The following SLC39A12 variants were observed in gnomAD, a reference collection of about 807,000 sequenced individuals.
SLC39A12 encodes zinc transporter ZIP12.
Under a neutral mutation model 71.1 loss-of-function variants are expected in SLC39A12, and 63 were observed. The observed-to-expected ratio is 0.89, with a 90% CI of 0.72 to 1.09. The LOEUF (loss-of-function observed/expected upper bound fraction) is 1.09, where lower values mean the gene tolerates loss of function less well. Among genes scored for constraint, SLC39A12 ranks in the 50% least tolerant of loss-of-function variants. SLC39A12 has a pLI of 0.00. For missense variants in SLC39A12, 892 were observed against 812.6 expected, an observed-to-expected ratio of 1.10 and a Z score of -1.19; for synonymous variants, 351 against 301.3, an observed-to-expected ratio of 1.16 and a Z score of -1.71.
intron 12 of SLC39A12, among the ~76,000 whole-genome samples, chr10:18,040,468 A>G (rs1837191263): frequency 6.6e-6 from 1 of 152,064 alleles, no homozygotes; most frequent in Non-Finnish European, 1.5e-5. Flanking sequence ...CTCTCCATGT[A>G]CTTAAAAATG....
chr10:18,012,820 C>T (rs369935457), intron 12 of SLC39A12, among the ~76,000 whole-genome samples: 5 of 145,664 alleles, frequency 3.4e-5, no homozygotes, highest in Non-Finnish European at 4.5e-5. Flanking sequence ...AAGCCAAGAT[C>T]GCACCACTGC....
At position 17,966,251 on chromosome 10, in the gene SLC39A12, T is replaced by C. The variant is rs574185239; in HGVS notation, c.751+561T>C. ...CATTTCTTTGTACTTGAGAAGACATTAAAAATGAAATGACTAATTCTTAAC... is the reference window on the plus strand; with the variant it reads ...CATTTCTTTGTACTTGAGAAGACATCAAAAATGAAATGACTAATTCTTAAC... On this transcript the variant is annotated intron_variant, in intron 4 of 12. Coordinates refer to ENST00000377369, the MANE Select transcript of SLC39A12 (RefSeq NM_001145195.2). 3.9e-5 allele frequency among the ~76,000 whole-genome samples: 6 copies of C among 152,288 alleles called. No individual in the cohort carries two copies. The South Asian group carries it at 1.2e-3, about 32-fold the overall frequency.
rs1361110911 is a variant in SLC39A12, at chr10:18,003,993, A to G, written c.1947+635A>G. On this transcript the variant is annotated intron_variant, in intron 12 of 12. Transcript: ENST00000377369. ...TATTTGGTTTCTAAAATTGCAACGT[A>G]TGTTTCCTATAGAGGTCCTTGCTGA... is the stretch of plus-strand genomic sequence containing the variant. Among the ~76,000 whole-genome samples the G allele has an allele frequency of 3.9e-5, 6 of 152,220 alleles. No homozygotes were observed. In the East Asian group the frequency reaches 1.2e-3, roughly 29 times the overall value.
intron 6 of SLC39A12, among the ~76,000 whole-genome samples, chr10:17,985,141 G>A (rs1193598590): frequency 2.0e-5 from 3 of 152,056 alleles, no homozygotes; most frequent in South Asian, 2.1e-4. Flanking sequence ...TCAGGAGTTC[G>A]AGACCAGCCT....
intron 10 of SLC39A12, among the ~76,000 whole-genome samples, chr10:17,996,959 G>A (rs1302065031): frequency 6.8e-6 from 1 of 146,828 alleles, no homozygotes; most frequent in Non-Finnish European, 1.5e-5. Context: ...AGCTTGCAGT[G>A]AGCCGAGATC....
intron 3 of SLC39A12, 47 bp from the exon 4 acceptor site, chr10:17,965,436 T>C (rs371856660): frequency 4.9e-5 from 76 of 1,556,164 alleles, no homozygotes; most frequent in Non-Finnish European, 6.2e-5. Flanking sequence ...AGAATCAAAA[T>C]AACTTCAGAT....
intron 4 of SLC39A12, among the ~76,000 whole-genome samples, chr10:17,975,331 C>T (rs1370541296): frequency 6.6e-6 from 1 of 152,184 alleles, no homozygotes; most frequent in Non-Finnish European, 1.5e-5. Context: ...TGACATAGTA[C>T]TTGGGTATCA....
At chr10:18,024,735 C>G (rs550692123) in intron 12 of SLC39A12, among the ~76,000 whole-genome samples, 1 of 152,294 alleles carries the variant, frequency 6.6e-6, no homozygotes, top group African/African-American at 2.4e-5. Flanking sequence ...GTGAATAAAT[C>G]TATTTTTCCT....
chr10:18,040,764 C>T (rs1837201511), intron 12 of SLC39A12, among the ~76,000 whole-genome samples: 1 of 130,480 alleles, frequency 7.7e-6, no homozygotes, highest in Admixed American at 7.8e-5. Context: ...AGTGAAACTC[C>T]ATCTCAAAAA....
At chr10:18,034,210 G>A (rs372058858) in intron 12 of SLC39A12, among the ~76,000 whole-genome samples, 2 of 151,366 alleles carry the variant, frequency 1.3e-5, no homozygotes, top group Non-Finnish European at 2.9e-5. Flanking sequence ...TATCCTTGTT[G>A]ACTTTCTGTC....
rs538695673 is a variant in SLC39A12, at chr10:18,034,514, A to G, written c.1948-8191A>G. Among the ~76,000 whole-genome samples the G allele has an allele frequency of 2.6e-3, 401 of 151,420 alleles. 4 individuals carry two copies. The highest frequency in any genetic ancestry group is 9.3e-3 in the African/African-American group (386 of 41,362). On this transcript the variant is annotated intron_variant, in intron 12 of 12. Coordinates refer to ENST00000377369, the MANE Select transcript of SLC39A12 (RefSeq NM_001145195.2). ...CCATTAGCTTGGTAGATCTTCCTCC[A>G]TCCTTTTATTTTGAGCCTATGTGTG...
intron 1 of SLC39A12, among the ~76,000 whole-genome samples, chr10:17,952,491 C>CTTTTTTT (rs11288880): frequency 1.3e-4 from 17 of 128,540 alleles, no homozygotes; most frequent in East Asian, 6.6e-4. Flanking sequence ...TTTCTTTTTT[C>CTTTTTTT]TTTTTTTTTT....
intron 7 of SLC39A12, among the ~76,000 whole-genome samples, chr10:17,989,223 C>T (rs1478057603): frequency 6.6e-6 from 1 of 152,218 alleles, no homozygotes. Flanking sequence ...TTAAAATTTT[C>T]CACAAGCCTC....
At chr10:18,036,344 C>G (rs551816646) in intron 12 of SLC39A12, among the ~76,000 whole-genome samples, 2 of 152,284 alleles carry the variant, frequency 1.3e-5, no homozygotes, top group Admixed American at 6.5e-5. Flanking sequence ...GGGATATAAT[C>G]TCGTGGTGCG....
At chr10:18,038,851 T>C (rs1564667022) in intron 12 of SLC39A12, among the ~76,000 whole-genome samples, 1 of 152,150 alleles carries the variant, frequency 6.6e-6, no homozygotes, top group East Asian at 1.9e-4. Flanking sequence ...AGACCCTTCC[T>C]GGAAGTGTGA....
chr10:17,971,569 G>T (rs141448586), intron 4 of SLC39A12, among the ~76,000 whole-genome samples: 2,056 of 151,914 alleles, frequency 0.014, 41 homozygotes, highest in African/African-American at 0.043. Context: ...ATGGTAGGTT[G>T]TATGTGTCTA....
At chr10:18,015,690 G>A (rs533868881) in intron 12 of SLC39A12, among the ~76,000 whole-genome samples, 8 of 152,040 alleles carry the variant, frequency 5.3e-5, no homozygotes, top group African/African-American at 1.7e-4. Flanking sequence ...GACATAAAAA[G>A]TACAGAATGA....
chr10:17,991,102 C>T (rs775555273), intron 7 of SLC39A12, 49 bp from the exon 8 acceptor site: 3 of 1,511,670 alleles, frequency 2.0e-6, no homozygotes, highest in Admixed American at 4.9e-5. Flanking sequence ...GTCATCAAGA[C>T]TTATCTCCAT....
intron 12 of SLC39A12, among the ~76,000 whole-genome samples, chr10:18,042,338 G>A (rs1350994412): frequency 1.3e-5 from 2 of 151,804 alleles, no homozygotes; most frequent in African/African-American, 2.4e-5. Context: ...AATTAGCTGG[G>A]TGCAATGGCA....
Sources: allele counts gnomAD v4.1 joint callset (sites outside exome capture counted in the v4.1 genomes callset), GRCh38; gene constraint gnomAD v4.1.1; transcripts MANE v1.5; gene names NCBI Gene and HGNC (gene_info 2026-07-23, HGNC 2026-07-21).